The following CTDSPL variants were observed in gnomAD, a reference collection of about 807,000 sequenced individuals.
CTDSPL encodes the protein CTD small phosphatase like.
CTDSPL carries 8 observed loss-of-function variants against 30.5 expected under a neutral mutation model. The observed-to-expected ratio is 0.26, with a 90% CI of 0.15 to 0.47. The LOEUF (loss-of-function observed/expected upper bound fraction) is 0.47, where lower values mean the gene tolerates loss of function less well. CTDSPL is among the 20% of genes least tolerant of loss of function. CTDSPL has a pLI of 0.99. For synonymous variants in CTDSPL, 110 were observed against 137.9 expected, an observed-to-expected ratio of 0.80 and a Z score of 1.42; for missense variants, 248 against 366.1, an observed-to-expected ratio of 0.68 and a Z score of 2.63.
chr3:37,970,327 A>G (rs904320981), intron 5 of CTDSPL, among the ~76,000 whole-genome samples: 3 of 152,074 alleles, frequency 2.0e-5, no homozygotes, highest in African/African-American at 7.2e-5. Flanking sequence ...TCATTATGCC[A>G]TGTTTATTTT....
intron 1 of CTDSPL, among the ~76,000 whole-genome samples, chr3:37,887,245 AG>A (rs1559624874): frequency 6.6e-6 from 1 of 152,188 alleles, no homozygotes; most frequent in Non-Finnish European, 1.5e-5. Flanking sequence ...CCGTTTGTCA[AG>A]GTGTTTGTGA....
chr3:37,967,210 T>TG (rs1425089434), intron 4 of CTDSPL, among the ~76,000 whole-genome samples: 1 of 152,120 alleles, frequency 6.6e-6, no homozygotes, highest in Non-Finnish European at 1.5e-5. Context: ...AGTACTGGAC[T>TG]GGGGCCATGG....
chr3:37,960,492 A>AT lies in CTDSPL; in HGVS notation c.267+3349_267+3350insT, dbSNP rs1483245397. On this transcript the variant is annotated intron_variant, in intron 3 of 7. Transcript: ENST00000273179. The stretch of plus-strand genomic sequence containing the variant: ...CAAAACTCTGTCTCAAAAAAAAAAA[A>AT]AAAAAAAAAAAAAATATATATATAT... Among the ~76,000 whole-genome samples, 213 of 59,436 alleles carry AT rather than the reference A, an allele frequency of 3.6e-3. 6 individuals carry two copies. The highest frequency in any genetic ancestry group is 0.016 in the African/African-American group (207 of 12,934). 39.0% of individuals were successfully genotyped at this position (59,436 alleles called of 152,430 possible).
At chr3:37,954,220 A>G (rs573297044) in intron 2 of CTDSPL, among the ~76,000 whole-genome samples, 4 of 152,256 alleles carry the variant, frequency 2.6e-5, no homozygotes, top group African/African-American at 9.6e-5. Context: ...CAGTTCCTCC[A>G]GCAGAGCTGA....
At position 37,982,107 on chromosome 3, in the gene CTDSPL, G is replaced by A; in HGVS notation, c.*1240G>A. The stretch of plus-strand genomic sequence containing the variant: ...TAGCATGGATTTTAAACTGCAGTCA[G>A]TATCAGATCCTGTTTGATAAATAAG... On this transcript the variant is annotated 3_prime_UTR_variant, in exon 8 of 8. Transcript: ENST00000273179. The A allele has an allele frequency of 3.0e-6, 1 of 334,122 alleles. No homozygotes were observed. The highest frequency in any genetic ancestry group is 5.9e-6 in the Non-Finnish European group (1 of 168,952). 20.7% of individuals were successfully genotyped at this position (334,122 alleles called of 1,614,324 possible).
At chr3:37,936,407 G>T (rs1388666810) in intron 1 of CTDSPL, among the ~76,000 whole-genome samples, 4 of 151,940 alleles carry the variant, frequency 2.6e-5, no homozygotes, top group Admixed American at 2.0e-4. Context: ...TTGTGCCCTG[G>T]CCTCTTACCA....
intron 3 of CTDSPL, among the ~76,000 whole-genome samples, chr3:37,960,529 T>TAC (rs1379606753): frequency 9.5e-4 from 57 of 59,730 alleles, no homozygotes; most frequent in African/African-American, 1.2e-3. Context: ...TATATATATA[T>TAC]ATATATACAC....
At chr3:37,890,610 A>G (rs1698313979) in intron 1 of CTDSPL, among the ~76,000 whole-genome samples, 2 of 152,206 alleles carry the variant, frequency 1.3e-5, no homozygotes, top group South Asian at 4.1e-4. Flanking sequence ...TTGACTGTGA[A>G]TAGAAAACTC....
intron 1 of CTDSPL, among the ~76,000 whole-genome samples, chr3:37,920,348 G>A (rs918612959): frequency 6.6e-6 from 1 of 152,250 alleles, no homozygotes; most frequent in Non-Finnish European, 1.5e-5. Flanking sequence ...ACTGAGCACT[G>A]TTGGGGCAGC....
At chr3:37,875,759 A>ATATAT (rs1289122779) in intron 1 of CTDSPL, among the ~76,000 whole-genome samples, 1 of 152,252 alleles carries the variant, frequency 6.6e-6, no homozygotes, top group African/African-American at 2.4e-5. Context: ...TTGAGGATAT[A>ATATAT]GCTGAACATA....
intron 1 of CTDSPL, among the ~76,000 whole-genome samples, chr3:37,871,511 G>A (rs1271741976): frequency 2.6e-5 from 4 of 152,258 alleles, no homozygotes; most frequent in African/African-American, 9.6e-5. Context: ...AGAGTATTTT[G>A]TTGTTTTGTA....
Position 37,981,046 on chromosome 3 carries a change from G to T in CTDSPL, c.*179G>T, listed in dbSNP as rs1352472807. The T allele has an allele frequency of 9.7e-6, 5 of 517,638 alleles. No individual in the cohort carries two copies. The highest frequency in any genetic ancestry group is 1.2e-5 in the Non-Finnish European group (4 of 347,756). The allele number at this position is 517,638 out of a possible 1,614,324, so 32.1% of individuals were successfully genotyped here. ...AAGAACAGAAACAACTATTTTAAAAGAACTCTTTTAAGAAATTTCATAAAG... is the reference window on the plus strand; with the variant it reads ...AAGAACAGAAACAACTATTTTAAAATAACTCTTTTAAGAAATTTCATAAAG... On this transcript the variant is annotated 3_prime_UTR_variant, in exon 8 of 8. Coordinates refer to ENST00000273179, the MANE Select transcript of CTDSPL (RefSeq NM_001008392.2).
At chr3:37,961,794 A>G (rs73058979) in intron 3 of CTDSPL, among the ~76,000 whole-genome samples, 4,745 of 152,312 alleles carry the variant, frequency 0.031, 102 homozygotes, top group Non-Finnish European at 0.048. Context: ...AAGTAAGGAA[A>G]CAATAATCCA....
intron 7 of CTDSPL, among the ~76,000 whole-genome samples, chr3:37,976,127 T>C (rs74597641): frequency 0.03 from 4,643 of 152,286 alleles, 104 homozygotes; most frequent in African/African-American, 0.059. Flanking sequence ...CATAGGATCA[T>C]TGGAGGTTGC....
chr3:37,873,390 G>A (rs1287236276), intron 1 of CTDSPL, among the ~76,000 whole-genome samples: 1 of 152,158 alleles, frequency 6.6e-6, no homozygotes, highest in African/African-American at 2.4e-5. Context: ...TGCAACTGTC[G>A]GTTTTCTCCC....
At chr3:37,927,676 G>GTGTA (rs1426920718) in intron 1 of CTDSPL, among the ~76,000 whole-genome samples, 1 of 121,288 alleles carries the variant, frequency 8.2e-6, no homozygotes, top group Admixed American at 7.9e-5. Flanking sequence ...GTGTGTGTGT[G>GTGTA]TGTATGTGTA....
intron 3 of CTDSPL, among the ~76,000 whole-genome samples, chr3:37,963,242 G>A (rs1273942823): frequency 6.6e-6 from 1 of 152,174 alleles, no homozygotes; most frequent in African/African-American, 2.4e-5. Context: ...GTCTCCACAC[G>A]TAGCCTCTTC....
At chr3:37,977,937 C>T (rs9826470) in intron 7 of CTDSPL, among the ~76,000 whole-genome samples, 44,554 of 151,968 alleles carry the variant, frequency 0.29, 7,749 homozygotes, top group African/African-American at 0.49. Flanking sequence ...GGGTATTATA[C>T]GCTTATGAAG....
Position 37,980,773 on chromosome 3 carries a change from C to T in CTDSPL, c.737C>T (p.Thr246Met), listed in dbSNP as rs115508245. 608 of 1,614,186 alleles carry T rather than the reference C, an allele frequency of 3.8e-4. No individual in the cohort carries two copies. In the East Asian group the frequency reaches 4.7e-3, roughly 12 times the overall value. The part of the protein sequence containing the change: ...VPVQSWFDDM[T>M]DTELLDLIPF... The stretch of plus-strand genomic sequence containing the variant: ...GTGCAGTCCTGGTTCGATGACATGA[C>T]GGACACGGAGCTGCTGGACCTCATC... The change falls in exon 8 of 8, where the codon ACG (threonine) becomes ATG (methionine). Residue 246 changes from threonine (T) to methionine (M), a missense_variant. Transcript: ENST00000273179.
Sources: gnomAD v4.1 joint callset for allele counts (sites outside exome capture counted in the v4.1 genomes callset) on GRCh38, gnomAD v4.1.1 for gene constraint, MANE v1.5 for transcripts, NCBI Gene and HGNC (gene_info 2026-07-23, HGNC 2026-07-21) for gene names.